The following TEK variants were observed in gnomAD, a reference collection of about 807,000 sequenced individuals.
TEK encodes the protein angiopoietin-1 receptor.
A neutral mutation model predicts 131.8 loss-of-function variants in TEK; 43 were observed. The ratio of observed to expected loss-of-function variants is 0.33; its 90% confidence interval spans 0.26 to 0.42. The LOEUF is 0.42. TEK is among the 10% of genes least tolerant of loss of function. The probability of loss-of-function intolerance (pLI) is 1.00; values close to 1 mark genes in which losing one functional copy is unlikely to be tolerated. For missense variants in TEK, 1,162 were observed against 1,384.4 expected, an observed-to-expected ratio of 0.84 and a Z score of 2.55; for synonymous variants, 580 against 491.6, an observed-to-expected ratio of 1.18 and a Z score of -2.38.
At chr9:27,127,933 C>G (rs937116074) in intron 1 of TEK, among the ~76,000 whole-genome samples, 3 of 152,076 alleles carry the variant, frequency 2.0e-5, no homozygotes, top group Non-Finnish European at 4.4e-5. Flanking sequence ...GGTTGCCTGT[C>G]CACTCTGATG....
chr9:27,197,178 C>T (rs1369076382), intron 11 of TEK, 137 bp from the exon 12 acceptor site: 5 of 859,270 alleles, frequency 5.8e-6, no homozygotes, highest in Non-Finnish European at 9.2e-6. Context: ...GGAAGTCACA[C>T]TCATCAACCA....
At chr9:27,218,191 A>C (rs967246606) in intron 19 of TEK, among the ~76,000 whole-genome samples, 2 of 151,086 alleles carry the variant, frequency 1.3e-5, no homozygotes, top group African/African-American at 2.4e-5. Flanking sequence ...GGTGAAAGGA[A>C]GGATTGGCTT....
At chr9:27,225,427 A>G (rs1429833848) in intron 21 of TEK, among the ~76,000 whole-genome samples, 1 of 152,212 alleles carries the variant, frequency 6.6e-6, no homozygotes, top group African/African-American at 2.4e-5. Context: ...GGCCTCAGGA[A>G]TAACACCACA....
chr9:27,161,972 TTTTTACTA>T (rs1408401350), intron 2 of TEK, among the ~76,000 whole-genome samples: 31 of 152,342 alleles, frequency 2.0e-4, no homozygotes, highest in African/African-American at 7.0e-4. Flanking sequence ...ATTGTAGAAA[TTTTTACTA>T]TGCATTCACA....
rs1243386843 is a variant in TEK, at chr9:27,151,465, TAGTTACCATTTTGGGGAAGA to T, written c.53-6365_53-6346del. Among the ~76,000 whole-genome samples, 3 of 152,130 alleles carry T rather than the reference TAGTTACCATTTTGGGGAAGA, an allele frequency of 2.0e-5. No homozygotes were observed. In the East Asian group the frequency reaches 5.8e-4, roughly 29 times the overall value. ...TGAAAAATGAGTAACTACTGCTCAG[TAGTTACCATTTTGGGGAAGA>T]TTTTTCTGATTATCTTCTCATCTCT... is the stretch of plus-strand genomic sequence containing the variant. On this transcript the variant is annotated intron_variant, in intron 1 of 22. Coordinates refer to ENST00000380036, the MANE Select transcript of TEK (RefSeq NM_000459.5).
intron 1 of TEK, among the ~76,000 whole-genome samples, chr9:27,127,770 G>A (rs1000625412): frequency 5.3e-5 from 8 of 152,192 alleles, no homozygotes; most frequent in Non-Finnish European, 1.0e-4. Flanking sequence ...CTGCATAAAT[G>A]TCTTCTTTTG....
rs1554689021 is a variant in TEK at position 27,136,099 on chromosome 9, T to TTTG, written c.53-21732_53-21731insTTG. Among the ~76,000 whole-genome samples, 187 of 151,506 alleles carry TTTG rather than the reference T, an allele frequency of 1.2e-3. 1 individual carries two copies. The highest frequency in any genetic ancestry group is 4.4e-3 in the African/African-American group (183 of 41,306). On this transcript the variant is annotated intron_variant, in intron 1 of 22. Coordinates refer to ENST00000380036, the MANE Select transcript of TEK (RefSeq NM_000459.5). ...CCAGGGCAGTTATTTTTTTTTTTTT[T>TTTG]GAGATGGAGTCTCGCTCTGTCACTC...
intron 12 of TEK, among the ~76,000 whole-genome samples, chr9:27,199,102 A>G (rs536482): frequency 0.2 from 30,328 of 152,190 alleles, 3,464 homozygotes; most frequent in Non-Finnish European, 0.25. Flanking sequence ...GCCAAGCCCA[A>G]TGTTCTATAA....
intron 18 of TEK, among the ~76,000 whole-genome samples, 192 bp from the exon 19 acceptor site, chr9:27,217,496 C>T (rs527898676): frequency 7.7e-6 from 1 of 130,548 alleles, no homozygotes; most frequent in East Asian, 2.4e-4. Flanking sequence ...TGCTGGACCC[C>T]GAAAGATAAA....
intron 1 of TEK, among the ~76,000 whole-genome samples, chr9:27,118,169 A>G (rs77122819): frequency 0.013 from 1,918 of 152,282 alleles, 29 homozygotes; most frequent in South Asian, 0.043. Flanking sequence ...CCACAAAACA[A>G]TAAGAGTACC....
At chr9:27,186,237 G>A (rs1254844213) in intron 9 of TEK, among the ~76,000 whole-genome samples, 1 of 149,254 alleles carries the variant, frequency 6.7e-6, no homozygotes, top group African/African-American at 2.5e-5. Context: ...GTGTAGATTT[G>A]TGGCTTGAGT....
intron 9 of TEK, 51 bp from the exon 10 acceptor site, chr9:27,190,478 C>T (rs775610664): frequency 1.2e-6 from 2 of 1,610,738 alleles, no homozygotes; most frequent in Non-Finnish European, 1.7e-6. Context: ...TAAGAACAAT[C>T]ACAAAACCTC....
chr9:27,150,762 T>C (rs1823097080), intron 1 of TEK, among the ~76,000 whole-genome samples: 1 of 152,202 alleles, frequency 6.6e-6, no homozygotes, highest in Non-Finnish European at 1.5e-5. Context: ...AAAGTCTCGT[T>C]GTGTGGATGC....
rs181733834 is a variant in TEK at position 27,210,923 on chromosome 9, C to T, written c.2686+1692C>T. On this transcript the variant is annotated intron_variant, in intron 16 of 22. Coordinates refer to ENST00000380036, the MANE Select transcript of TEK (RefSeq NM_000459.5). Reference sequence around the variant, plus strand: ...CACAAGGTCAAGATGTCGAGACCATCCTGGCCAACCAACATGGTGAAACCC... The same window carrying T: ...CACAAGGTCAAGATGTCGAGACCATTCTGGCCAACCAACATGGTGAAACCC... 4.1e-3 allele frequency among the ~76,000 whole-genome samples: 622 copies of T among 152,188 alleles called. 3 individuals are homozygous for T. Among genetic ancestry groups the T allele is most frequent in the Middle Eastern group, 0.014 (4 of 294 alleles).
chr9:27,197,350 A>G lies in TEK; in HGVS notation c.1660A>G (p.Lys554Glu). 6.2e-7 allele frequency: 1 copy of G among 1,614,120 alleles called. No homozygotes were observed. The highest frequency in any genetic ancestry group is 8.5e-7 in the Non-Finnish European group (1 of 1,179,988). Residue 554 changes from lysine (K) to glutamate (E), a missense_variant, in exon 12 of 23, where the codon AAA becomes GAA. Physicochemically the swap from Lys to Glu is moderately conservative, Grantham distance 56. Transcript: ENST00000380036. ...PPPRGLNLLPKSQTTLNLTWQ... is the reference protein window; with the variant it reads ...PPPRGLNLLPESQTTLNLTWQ... Reference sequence around the variant, plus strand: ...TCCAAGAGGTCTAAATCTCCTGCCTAAAAGTCAGACCACTCTAAATTTGAC... The same window carrying G: ...TCCAAGAGGTCTAAATCTCCTGCCTGAAAGTCAGACCACTCTAAATTTGAC...
intron 1 of TEK, among the ~76,000 whole-genome samples, chr9:27,151,334 G>C (rs538862525): frequency 1.3e-5 from 2 of 152,282 alleles, no homozygotes; most frequent in African/African-American, 4.8e-5. Context: ...GGTTGACACA[G>C]AGGAATAGTG....
intron 13 of TEK, among the ~76,000 whole-genome samples, chr9:27,203,691 T>C (rs1825302464): frequency 6.6e-6 from 1 of 152,158 alleles, no homozygotes; most frequent in African/African-American, 2.4e-5. Context: ...TGAACAAGGG[T>C]CCCATGTGGG....
At chr9:27,198,665 G>A (rs962190008) in intron 12 of TEK, among the ~76,000 whole-genome samples, 6 of 152,280 alleles carry the variant, frequency 3.9e-5, no homozygotes, top group African/African-American at 1.4e-4. Context: ...TTCAGCATTT[G>A]TTGTTGACTT....
chr9:27,149,611 G>A (rs1311464097), intron 1 of TEK, among the ~76,000 whole-genome samples: 12 of 152,112 alleles, frequency 7.9e-5, no homozygotes. Flanking sequence ...CGTTCTCCGT[G>A]AATTGTCACT....
Sources: allele counts gnomAD v4.1 joint callset (sites outside exome capture counted in the v4.1 genomes callset), GRCh38; gene constraint gnomAD v4.1.1; transcripts MANE v1.5; gene names NCBI Gene and HGNC (gene_info 2026-07-23, HGNC 2026-07-21).